Variants in ZNF143 observed in about 807,000 individuals in gnomAD.
The protein encoded by ZNF143 is SPH-binding factor.
ZNF143 carries 49 observed loss-of-function variants against 74.1 expected under a neutral mutation model. That is an observed-to-expected ratio of 0.66 (90% CI 0.53 to 0.84). The LOEUF (loss-of-function observed/expected upper bound fraction) is 0.84, where lower values mean the gene tolerates loss of function less well. Ranked by LOEUF, ZNF143 falls within the 40% of genes least tolerant of loss-of-function variation. The probability of loss-of-function intolerance (pLI) is 0.00; values close to 1 mark genes in which losing one functional copy is unlikely to be tolerated. For synonymous variants in ZNF143, 304 were observed against 282.8 expected (o/e 1.07, Z -0.75); for missense variants, 637 against 793.4 (o/e 0.80, Z 2.37).
intron 1 of ZNF143, among the ~76,000 whole-genome samples, chr11:9,468,962 C>T (rs557369130): frequency 4.6e-5 from 7 of 151,772 alleles, no homozygotes; most frequent in African/African-American, 1.7e-4. Flanking sequence ...GGTGAAACCC[C>T]ACCTCTACTA....
chr11:9,498,816 T>C (rs1433016050), intron 10 of ZNF143, among the ~76,000 whole-genome samples: 1 of 152,256 alleles, frequency 6.6e-6, no homozygotes, highest in Admixed American at 6.5e-5. Context: ...TATGGAAATA[T>C]CTGAAATAGT....
At chr11:9,523,607 G>A (rs1042100207) in intron 14 of ZNF143, among the ~76,000 whole-genome samples, 6 of 152,172 alleles carry the variant, frequency 3.9e-5, no homozygotes, top group South Asian at 2.1e-4. Flanking sequence ...GATGGCGGGC[G>A]CCTGTAGTCC....
Position 9,477,140 on chromosome 11 carries a change from T to TTCCC in ZNF143, c.374-1247_374-1246insCTCC, listed in dbSNP as rs1289220673. Among the ~76,000 whole-genome samples, 86 of 128,780 alleles carry TTCCC rather than the reference T, an allele frequency of 6.7e-4. 1 individual carries two copies. Among genetic ancestry groups the TTCCC allele is most frequent in the Non-Finnish European group, 1.2e-3 (68 of 57,668 alleles). The allele number at this position is 128,780 out of a possible 152,430, so 84.5% of individuals were successfully genotyped here. A position where few individuals can be genotyped will look rare whatever the true frequency, so the allele number is the denominator to read the frequency against. On this transcript the variant is annotated intron_variant, in intron 5 of 15. Transcript: ENST00000396602. ...CTTCCTTCCTTCCTTCCTTCCTTCC[T>TTCCC]TCCTTCCTTCCTTCCTTCCTTCCTT...
intron 1 of ZNF143, among the ~76,000 whole-genome samples, chr11:9,470,435 G>A (rs917682023): frequency 1.3e-5 from 2 of 152,202 alleles, no homozygotes; most frequent in African/African-American, 4.8e-5. Flanking sequence ...TGAGCAGTTG[G>A]GAGGTGCAGT....
intron 7 of ZNF143, among the ~76,000 whole-genome samples, chr11:9,484,475 A>G (rs1282760467): frequency 1.3e-5 from 2 of 151,280 alleles, no homozygotes; most frequent in Non-Finnish European, 2.9e-5. Context: ...TCGGCCTCCC[A>G]AAGTGCTGGG....
intron 5 of ZNF143, among the ~76,000 whole-genome samples, chr11:9,475,646 T>C (rs1296011634): frequency 6.6e-6 from 1 of 152,164 alleles, no homozygotes; most frequent in African/African-American, 2.4e-5. Context: ...ATCCTAGCAC[T>C]TTGGGAGGCC....
intron 14 of ZNF143, 24 bp from the exon 15 acceptor site, chr11:9,525,216 A>G (rs2134279399): frequency 1.2e-6 from 2 of 1,613,668 alleles, no homozygotes; most frequent in Non-Finnish European, 1.7e-6. Flanking sequence ...CTTTATGTGT[A>G]TGGTTTGTTT....
In ZNF143 at chr11:9,461,085, A is replaced by G. The variant is rs1170195514; in HGVS notation, c.-8+9A>G. 2.0e-6 allele frequency: 2 copies of G among 985,652 alleles called. No homozygotes were observed. The highest frequency in any genetic ancestry group is 2.4e-6 in the Non-Finnish European group (2 of 829,918). 61.1% of individuals were successfully genotyped at this position (985,652 alleles called of 1,614,324 possible). A position where few individuals can be genotyped will look rare whatever the true frequency, so the allele number is the denominator to read the frequency against. On this transcript the variant is annotated intron_variant, in intron 1 of 15. Coordinates refer to ENST00000396602, the MANE Select transcript of ZNF143 (RefSeq NM_003442.6). Reference sequence around the variant, plus strand: ...GGAAAATTTTCTCGGAGGTTCGTATATAAATGTGTTTTTACCCAGTGTGCA... The same window carrying G: ...GGAAAATTTTCTCGGAGGTTCGTATGTAAATGTGTTTTTACCCAGTGTGCA...
intron 7 of ZNF143, among the ~76,000 whole-genome samples, chr11:9,484,261 T>G (rs1847367125): frequency 6.6e-6 from 1 of 151,372 alleles, no homozygotes; most frequent in Admixed American, 6.6e-5. Flanking sequence ...TGGCCTGATC[T>G]CAGCTCACTG....
chr11:9,471,047 G>T (rs1856537056), intron 1 of ZNF143: 1 of 192,432 alleles, frequency 5.2e-6, no homozygotes, highest in Admixed American at 6.1e-5. Flanking sequence ...GAAACTGATG[G>T]GCACAATTCG....
intron 1 of ZNF143, among the ~76,000 whole-genome samples, chr11:9,470,823 G>A (rs1183800786): frequency 1.3e-5 from 2 of 152,230 alleles, no homozygotes; most frequent in African/African-American, 4.8e-5. Flanking sequence ...TGGAGAAGCA[G>A]GGAAATAAGT....
chr11:9,485,622 G>T (rs1159947463), intron 7 of ZNF143, among the ~76,000 whole-genome samples: 1 of 151,454 alleles, frequency 6.6e-6, no homozygotes, highest in Non-Finnish European at 1.5e-5. Flanking sequence ...TTATAGGCAG[G>T]AGCCACCGTG....
rs1374455959 is a variant in ZNF143 at position 9,472,556 on chromosome 11, A to T, written c.113-121A>T. On this transcript the variant is annotated intron_variant, in intron 2 of 15. Coordinates refer to ENST00000396602, the MANE Select transcript of ZNF143 (RefSeq NM_003442.6). ...CGTGAGCCACTGCACCCGGCCGCTAAATCTCATTTTGAGTCTGAGTTAAGC... is the reference window on the plus strand; with the variant it reads ...CGTGAGCCACTGCACCCGGCCGCTATATCTCATTTTGAGTCTGAGTTAAGC... The T allele has an allele frequency of 4.6e-6, 4 of 873,922 alleles. No individual in the cohort carries two copies. In the East Asian group the frequency reaches 1.1e-4, roughly 23 times the overall value. 54.1% of individuals were successfully genotyped at this position (873,922 alleles called of 1,614,324 possible).
rs1390000868 is a variant in ZNF143 at position 9,506,834 on chromosome 11, G to A, written c.1148-1785G>A. ...TCTTTTTCTTTTTTTTTCTTTGCAA[G>A]GCTCGTCAGATGACCCAGGTGAAGC... On this transcript the variant is annotated intron_variant, in intron 11 of 15. Coordinates refer to ENST00000396602, the MANE Select transcript of ZNF143 (RefSeq NM_003442.6). Among the ~76,000 whole-genome samples, 17 of 151,772 alleles carry A rather than the reference G, an allele frequency of 1.1e-4. 1 individual carries two copies. Among genetic ancestry groups the A allele is most frequent in the Admixed American group, 1.1e-3 (17 of 15,204 alleles).
At chr11:9,498,984 G>A (rs1053825495) in intron 10 of ZNF143, among the ~76,000 whole-genome samples, 3 of 152,010 alleles carry the variant, frequency 2.0e-5, no homozygotes, top group Admixed American at 1.3e-4. Context: ...TATCAGAGGC[G>A]AGTATTTCCA....
In ZNF143 at chr11:9,526,442, G is replaced by A. The variant is rs1047479980; in HGVS notation, c.1833+1056G>A. Reference sequence around the variant, plus strand: ...TTAGGGAGATTTTTTTTCCGCCCACGTGTTTACTTGATAAAGAGTTAGAAC... The same window carrying A: ...TTAGGGAGATTTTTTTTCCGCCCACATGTTTACTTGATAAAGAGTTAGAAC... On this transcript the variant is annotated intron_variant, in intron 15 of 15. Transcript: ENST00000396602. Among the ~76,000 whole-genome samples the A allele has an allele frequency of 4.6e-5, 7 of 152,098 alleles. No homozygotes were observed. The East Asian group carries it at 7.7e-4, about 17-fold the overall frequency.
At position 9,472,781 on chromosome 11, in the gene ZNF143, A is replaced by T. The variant is rs779179922; in HGVS notation, c.205+12A>T. ...ACACAATTCTAAAGGTATGTGCCTC[A>T]CATATGGCTGATTGGTTAATACCAG... On this transcript the variant is annotated intron_variant, in intron 3 of 15. Coordinates refer to ENST00000396602, the MANE Select transcript of ZNF143 (RefSeq NM_003442.6). The T allele has an allele frequency of 6.5e-7, 1 of 1,539,968 alleles. No homozygotes were observed. The highest frequency in any genetic ancestry group is 8.7e-7 in the Non-Finnish European group (1 of 1,147,178).
chr11:9,473,409 A>T (rs568365348), intron 3 of ZNF143, among the ~76,000 whole-genome samples: 3 of 143,192 alleles, frequency 2.1e-5, no homozygotes, highest in African/African-American at 7.7e-5. Flanking sequence ...AAAAAAAAAG[A>T]CATTTGGTTT....
intron 7 of ZNF143, among the ~76,000 whole-genome samples, chr11:9,493,764 C>A (rs1352225084): frequency 1.3e-5 from 2 of 152,114 alleles, no homozygotes; most frequent in East Asian, 3.9e-4. Flanking sequence ...AGTAGAAAGT[C>A]ATTCTTCCAT....
Sources: allele counts gnomAD v4.1 joint callset (sites outside exome capture counted in the v4.1 genomes callset), GRCh38; gene constraint gnomAD v4.1.1; transcripts MANE v1.5; gene names NCBI Gene and HGNC (gene_info 2026-07-23, HGNC 2026-07-21).